Variants in PPFIBP2 observed in about 807,000 individuals in gnomAD.
The protein encoded by PPFIBP2 is liprin-beta-2.
A neutral mutation model predicts 118.3 loss-of-function variants in PPFIBP2; 118 were observed. The ratio of observed to expected loss-of-function variants is 1.00; its 90% CI spans 0.86 to 1.16. The LOEUF (loss-of-function observed/expected upper bound fraction) is 1.16. Ranked by LOEUF, PPFIBP2 falls within the 50% of genes most tolerant of loss-of-function variation. The pLI, the probability that PPFIBP2 is intolerant of heterozygous loss-of-function variation, is 0.00. For missense variants in PPFIBP2, 1,195 were observed against 1,073.1 expected (o/e 1.11, Z -1.59); for synonymous variants, 414 against 397.4 (o/e 1.04, Z -0.50).
At chr11:7,607,607 A>C (rs1398419714) in intron 5 of PPFIBP2, among the ~76,000 whole-genome samples, 1 of 152,132 alleles carries the variant, frequency 6.6e-6, no homozygotes, top group African/African-American at 2.4e-5. Flanking sequence ...GTAGGTATTT[A>C]AAAACATATT....
At chr11:7,607,971 A>T (rs2135458981) in intron 5 of PPFIBP2, among the ~76,000 whole-genome samples, 1 of 152,328 alleles carries the variant, frequency 6.6e-6, no homozygotes, top group East Asian at 1.9e-4. Flanking sequence ...AAAGAAAGAG[A>T]GGGAGGTAGG....
At chr11:7,631,079 G>T (rs1565091703) in intron 11 of PPFIBP2, 51 bp downstream of exon 11, 1 of 1,422,604 alleles carries the variant, frequency 7.0e-7, no homozygotes, top group Non-Finnish European at 9.9e-7. Flanking sequence ...CTCCGAGCTT[G>T]CCCTGAGCTT....
At chr11:7,646,830 G>C (rs544747949) in intron 17 of PPFIBP2, among the ~76,000 whole-genome samples, 1 of 152,076 alleles carries the variant, frequency 6.6e-6, no homozygotes, top group South Asian at 2.1e-4. Flanking sequence ...GGTACATCAA[G>C]ATTTTATATA....
the PPFIBP2 span, chr11:7,666,510 A>C: frequency 6.2e-6 from 10 of 1,613,356 alleles, no homozygotes; most frequent in African/African-American, 1.1e-4. Flanking sequence ...AGTCCTGGCA[A>C]TTTCTTCAAG....
At chr11:7,654,316 G>C (rs542854630), downstream of PPFIBP2, among the ~76,000 whole-genome samples, 1 of 152,320 alleles carries the variant, frequency 6.6e-6, no homozygotes, top group African/African-American at 2.4e-5. Flanking sequence ...CTGAGGTAGA[G>C]ATGTGCCTTG....
intron 7 of PPFIBP2, among the ~76,000 whole-genome samples, chr11:7,624,966 TTC>T (rs1430093639): frequency 4.6e-5 from 7 of 152,180 alleles, no homozygotes; most frequent in Non-Finnish European, 1.0e-4. Flanking sequence ...ACCTATACAA[TTC>T]TGATCTCCTG....
At chr11:7,591,851 G>A (rs1859366303) in intron 3 of PPFIBP2, among the ~76,000 whole-genome samples, 1 of 152,246 alleles carries the variant, frequency 6.6e-6, no homozygotes, top group African/African-American at 2.4e-5. Flanking sequence ...TTCTAGGACT[G>A]GGCATGGCTC....
intron 3 of PPFIBP2, among the ~76,000 whole-genome samples, chr11:7,582,219 A>G (rs548824141): frequency 6.6e-6 from 1 of 152,180 alleles, no homozygotes; most frequent in Admixed American, 6.5e-5. Context: ...AGAACTGACA[A>G]CCTCTGGTTA....
chr11:7,564,295 C>G (rs534013926), intron 2 of PPFIBP2, among the ~76,000 whole-genome samples: 7 of 152,142 alleles, frequency 4.6e-5, no homozygotes, highest in Non-Finnish European at 8.8e-5. Flanking sequence ...GGTATATGTG[C>G]GGGCATTTTG....
intron 1 of PPFIBP2, among the ~76,000 whole-genome samples, chr11:7,543,304 GAA>G (rs551875772): frequency 6.0e-4 from 92 of 152,292 alleles, no homozygotes; most frequent in South Asian, 2.1e-3. Context: ...AAATTATTGG[GAA>G]AAGACTCCAA....
intron 2 of PPFIBP2, among the ~76,000 whole-genome samples, chr11:7,552,972 T>C (rs189267742): frequency 1.3e-5 from 2 of 152,348 alleles, no homozygotes; most frequent in East Asian, 1.9e-4. Flanking sequence ...TGTAAGTTTC[T>C]TAAGGACAGA....
intron 7 of PPFIBP2, among the ~76,000 whole-genome samples, chr11:7,624,141 G>T (rs1849679850): frequency 6.6e-6 from 1 of 152,174 alleles, no homozygotes; most frequent in African/African-American, 2.4e-5. Context: ...GGCTGAGGGA[G>T]CCCAAGCCTG....
chr11:7,611,903 G>C (rs12795309), intron 6 of PPFIBP2, among the ~76,000 whole-genome samples: 19,033 of 152,200 alleles, frequency 0.13, 1,469 homozygotes, highest in African/African-American at 0.21. Flanking sequence ...ATTAAATGTT[G>C]AGGGAGAAGT....
intron 3 of PPFIBP2, among the ~76,000 whole-genome samples, chr11:7,574,765 C>T (rs952447414): frequency 6.6e-6 from 1 of 152,146 alleles, no homozygotes; most frequent in Non-Finnish European, 1.5e-5. Context: ...GAATCCATCC[C>T]ATTTCACTCA....
intron 3 of PPFIBP2, chr11:7,572,077 G>A (rs1304682191): frequency 6.6e-6 from 1 of 152,228 alleles, no homozygotes; most frequent in Non-Finnish European, 1.5e-5. Flanking sequence ...GGGCTCCACT[G>A]TTTAGGGTGG....
At chr11:7,626,615 A>G (rs957393272) in intron 8 of PPFIBP2, among the ~76,000 whole-genome samples, 1 of 152,254 alleles carries the variant, frequency 6.6e-6, no homozygotes, top group African/African-American at 2.4e-5. Flanking sequence ...AAGTGAAAGG[A>G]TGGTGAATGG....
At chr11:7,559,356 T>C (rs1371867468) in intron 2 of PPFIBP2, among the ~76,000 whole-genome samples, 1 of 152,176 alleles carries the variant, frequency 6.6e-6, no homozygotes, top group African/African-American at 2.4e-5. Context: ...CCCACTGTGG[T>C]TGTAATTTTT....
chr11:7,611,404 A>G (rs1048145345), intron 6 of PPFIBP2, among the ~76,000 whole-genome samples: 1 of 152,254 alleles, frequency 6.6e-6, no homozygotes, highest in African/African-American at 2.4e-5. Flanking sequence ...GCATTAGTGC[A>G]TACTGACATC....
At position 7,603,876 on chromosome 11, in the gene PPFIBP2, C is replaced by T. The variant is rs544412751; in HGVS notation, c.486+6203C>T. Among the ~76,000 whole-genome samples, 4 of 152,288 alleles carry T rather than the reference C, an allele frequency of 2.6e-5. No homozygotes were observed. The East Asian group carries it at 7.7e-4, about 29-fold the overall frequency. The stretch of plus-strand genomic sequence containing the variant: ...CCACCCTCCCCCAGACCACCTCCCT[C>T]CTTATTTGCACAGGGAACCTTCAAA... On this transcript the variant is annotated intron_variant, in intron 5 of 23. Coordinates refer to ENST00000299492, the MANE Select transcript of PPFIBP2 (RefSeq NM_003621.5).
Sources: allele counts gnomAD v4.1 joint callset (sites outside exome capture counted in the v4.1 genomes callset), GRCh38; gene constraint gnomAD v4.1.1; transcripts MANE v1.5; gene names NCBI Gene and HGNC (gene_info 2026-07-23, HGNC 2026-07-21).